DLG2: variants seen among roughly 807,000 people sequenced by gnomAD.
DLG2 encodes discs large MAGUK scaffold protein 2.
DLG2 carries 45 observed loss-of-function variants against 132.5 expected under a neutral mutation model. The ratio of observed to expected loss-of-function variants is 0.34; its 90% CI spans 0.27 to 0.44. DLG2 has a LOEUF of 0.44. Among genes scored for constraint, DLG2 ranks in the 20% least tolerant of loss-of-function variants. The pLI is 1.00. For missense variants in DLG2, 1,045 were observed against 1,196.9 expected (o/e 0.87, Z 1.87); for synonymous variants, 424 against 419.6 (o/e 1.01, Z -0.13).
chr11:83,551,161 G>A (rs950039188), intron 19 of DLG2, among the ~76,000 whole-genome samples: 7 of 152,092 alleles, frequency 4.6e-5, no homozygotes, highest in Non-Finnish European at 8.8e-5. Flanking sequence ...ATCCCTGTCC[G>A]ACAGGGTCCT....
rs147153692 is a variant in DLG2, at chr11:83,695,252, T to C, written c.1826-61927A>G. On this transcript the variant is annotated intron_variant, in intron 18 of 27. Coordinates refer to ENST00000376104, the MANE Select transcript of DLG2 (RefSeq NM_001142699.3). Reference sequence around the variant, plus strand: ...ATATGCCTGACCTAGTGCCAGGTTCTGGGAATACAAACATGAATAGCCCAG... The same window carrying C: ...ATATGCCTGACCTAGTGCCAGGTTCCGGGAATACAAACATGAATAGCCCAG... Among the ~76,000 whole-genome samples, 145 of 152,346 alleles carry C rather than the reference T, an allele frequency of 9.5e-4. 1 individual carries two copies. The highest frequency in any genetic ancestry group is 1.5e-3 in the Non-Finnish European group (104 of 68,030).
At chr11:85,395,611 C>A (rs1437412946) in intron 3 of DLG2, among the ~76,000 whole-genome samples, 2 of 152,216 alleles carry the variant, frequency 1.3e-5, no homozygotes, top group African/African-American at 4.8e-5. Flanking sequence ...CCCTCCCATG[C>A]CTGACTCAGT....
chr11:84,556,096 C>T (rs1160499343), intron 6 of DLG2, among the ~76,000 whole-genome samples: 1 of 152,222 alleles, frequency 6.6e-6, no homozygotes, highest in South Asian at 2.1e-4. Context: ...AACCCTCCAA[C>T]ATCTTTTCTC....
rs188962243 is a variant in DLG2 at position 83,627,334 on chromosome 11, A to G, written c.1940+5877T>C. Among the ~76,000 whole-genome samples, 663 of 152,002 alleles carry G rather than the reference A, an allele frequency of 4.4e-3. 2 individuals carry two copies. The highest frequency in any genetic ancestry group is 0.034 in the Middle Eastern group (10 of 292). On this transcript the variant is annotated intron_variant, in intron 19 of 27. Transcript: ENST00000376104. ...TAACTCGTCATTTAGCATTAGGTAT[A>G]TCTCCTAATGCTATCCCTCCCCTCT...
At chr11:85,276,001 C>A (rs2077868578) in intron 4 of DLG2, among the ~76,000 whole-genome samples, 1 of 152,202 alleles carries the variant, frequency 6.6e-6, no homozygotes, top group Admixed American at 6.5e-5. Flanking sequence ...ACATAAAGCT[C>A]TCCATGGACG....
chr11:85,449,050 T>A (rs2092128939), intron 3 of DLG2, among the ~76,000 whole-genome samples: 1 of 152,180 alleles, frequency 6.6e-6, no homozygotes, highest in African/African-American at 2.4e-5. Context: ...TCAATCAGTA[T>A]CTTCTCTATT....
intron 18 of DLG2, among the ~76,000 whole-genome samples, chr11:83,663,626 G>T (rs1017839630): frequency 5.9e-5 from 9 of 152,200 alleles, no homozygotes; most frequent in Non-Finnish European, 1.3e-4. Context: ...CACTGGTTTT[G>T]TTCCGCCAGA....
chr11:83,772,010 A>C (rs1232272615), intron 18 of DLG2, among the ~76,000 whole-genome samples: 2 of 152,016 alleles, frequency 1.3e-5, no homozygotes, highest in African/African-American at 4.8e-5. Flanking sequence ...TTTTTTCTAG[A>C]AAATCACACC....
intron 9 of DLG2, among the ~76,000 whole-genome samples, chr11:84,122,589 A>C (rs922591123): frequency 2.2e-4 from 34 of 152,132 alleles, no homozygotes; most frequent in Admixed American, 7.2e-4. Flanking sequence ...ACAAACAAAA[A>C]AAAAAGTTGT....
intron 5 of DLG2, among the ~76,000 whole-genome samples, chr11:85,146,227 CCTCTCTCT>C (rs35640163): frequency 0.011 from 1,378 of 129,190 alleles, 21 homozygotes; most frequent in African/African-American, 0.037. Flanking sequence ...TCTGTTTCTC[CCTCTCTCT>C]CTCTCTCTCT....
At chr11:84,266,091 A>C (rs115522081) in intron 7 of DLG2, among the ~76,000 whole-genome samples, 19 of 152,220 alleles carry the variant, frequency 1.2e-4, no homozygotes, top group African/African-American at 4.3e-4. Context: ...TATCAGTGCT[A>C]ATACTCCATT....
intron 3 of DLG2, among the ~76,000 whole-genome samples, chr11:85,402,535 A>G (rs999511470): frequency 1.4e-4 from 21 of 152,248 alleles, no homozygotes; most frequent in Admixed American, 5.2e-4. Context: ...AAAAGAAACT[A>G]TCATCAGAGT....
At chr11:83,791,428 A>G (rs2041526064) in intron 17 of DLG2, 3 of 713,792 alleles carry the variant, frequency 4.2e-6, no homozygotes, top group East Asian at 2.9e-5. Context: ...GCAGTTGGCC[A>G]TATCTTTACC....
At chr11:84,140,559 T>C (rs1036149486) in intron 9 of DLG2, among the ~76,000 whole-genome samples, 1 of 152,206 alleles carries the variant, frequency 6.6e-6, no homozygotes, top group African/African-American at 2.4e-5. Flanking sequence ...ACATGCAGGA[T>C]GTGATGTCAC....
intron 15 of DLG2, among the ~76,000 whole-genome samples, chr11:83,925,193 T>G (rs2078736425): frequency 6.6e-6 from 1 of 152,088 alleles, no homozygotes; most frequent in Non-Finnish European, 1.5e-5. Context: ...TTCAGTCAAT[T>G]GCAGGCAGCC....
At chr11:85,208,330 A>T (rs916909648) in intron 4 of DLG2, among the ~76,000 whole-genome samples, 3 of 152,176 alleles carry the variant, frequency 2.0e-5, no homozygotes, top group Non-Finnish European at 2.9e-5. Context: ...GCATGTCCTC[A>T]TGAGCACACA....
At chr11:85,596,773 C>A (rs2079801941) in intron 3 of DLG2, among the ~76,000 whole-genome samples, 1 of 152,188 alleles carries the variant, frequency 6.6e-6, no homozygotes, top group African/African-American at 2.4e-5. Flanking sequence ...CTAGGATGCA[C>A]AAGTCTACAT....
At chr11:83,555,255 G>C (rs991825259) in intron 19 of DLG2, among the ~76,000 whole-genome samples, 1 of 152,246 alleles carries the variant, frequency 6.6e-6, no homozygotes, top group Non-Finnish European at 1.5e-5. Context: ...GGAGAGGCCA[G>C]GTCATGGAGA....
At chr11:84,249,076 A>T (rs2097339169) in intron 8 of DLG2, among the ~76,000 whole-genome samples, 1 of 152,200 alleles carries the variant, frequency 6.6e-6, no homozygotes, top group Admixed American at 6.5e-5. Context: ...CTACATGAGG[A>T]TATCTGGCAG....
Sources: gnomAD v4.1 joint callset for allele counts (sites outside exome capture counted in the v4.1 genomes callset) on GRCh38, gnomAD v4.1.1 for gene constraint, MANE v1.5 for transcripts, NCBI Gene and HGNC (gene_info 2026-07-23, HGNC 2026-07-21) for gene names.